AFAP1: variants seen among roughly 807,000 people sequenced by gnomAD.
AFAP1 encodes the protein actin filament-associated protein 1.
In AFAP1, 75 loss-of-function variants were observed where a neutral mutation model predicts 93.9. The ratio of observed to expected loss-of-function variants is 0.80; its 90% CI spans 0.66 to 0.97. AFAP1 has a LOEUF of 0.97. AFAP1 is among the 50% of genes least tolerant of loss of function. The probability of loss-of-function intolerance (pLI) is 0.00; values close to 1 mark genes in which losing one functional copy is unlikely to be tolerated. For missense variants in AFAP1, 1,201 were observed against 1,050.8 expected (o/e 1.14, Z -1.98); for synonymous variants, 517 against 430.7 (o/e 1.20, Z -2.48).
chr4:7,919,899 G>A (rs143173574), intron 1 of AFAP1, among the ~76,000 whole-genome samples: 2,271 of 151,568 alleles, frequency 0.015, 56 homozygotes, highest in African/African-American at 0.052. Context: ...CATGGTGTTT[G>A]GTTTTCCGTT....
At chr4:7,802,302 G>C (rs1719119096) in intron 9 of AFAP1, among the ~76,000 whole-genome samples, 3 of 152,252 alleles carry the variant, frequency 2.0e-5, no homozygotes, top group South Asian at 4.1e-4. Context: ...TCCAAGGCCT[G>C]TGCCGTGGCC....
At chr4:7,885,364 G>C (rs961815004) in intron 1 of AFAP1, among the ~76,000 whole-genome samples, 1 of 152,126 alleles carries the variant, frequency 6.6e-6, no homozygotes, top group African/African-American at 2.4e-5. Flanking sequence ...GTGTGTCCCT[G>C]CGTCGTCCCA....
At chr4:7,895,400 T>C (rs1043286161) in intron 1 of AFAP1, among the ~76,000 whole-genome samples, 50 of 149,088 alleles carry the variant, frequency 3.4e-4, no homozygotes, top group African/African-American at 1.1e-3. Flanking sequence ...TAAAGATTTT[T>C]TTAAAAAAAG....
In AFAP1 at chr4:7,843,214, G is replaced by A. The variant is rs374743133; in HGVS notation, c.471C>T (p.Cys157=). The change falls in exon 5 of 18, where the codon TGC becomes TGT. Residue 157 remains cysteine, a synonymous_variant. Coordinates refer to ENST00000420658, the MANE Select transcript of AFAP1 (RefSeq NM_001134647.2). ...SMDLVKDAKI[C]AFLLRKKRFG... ...ACCGCTTCTTCCGCAGCAGGAAGGC[G>A]CAGATTTTGGCGTCCTTGACCAGGT... 3.3e-5 allele frequency: 54 copies of A among 1,614,076 alleles called. 1 individual carries two copies. The highest frequency in any genetic ancestry group is 4.1e-5 in the Non-Finnish European group (48 of 1,180,042).
chr4:7,793,268 T>G (rs1338855300), intron 11 of AFAP1, among the ~76,000 whole-genome samples: 1 of 152,240 alleles, frequency 6.6e-6, no homozygotes. Flanking sequence ...TTCTGCTTCG[T>G]AGAACTGTTC....
chr4:7,846,241 C>T (rs1018584535), intron 4 of AFAP1, among the ~76,000 whole-genome samples: 19 of 152,204 alleles, frequency 1.2e-4, no homozygotes, highest in Admixed American at 1.1e-3. Flanking sequence ...GGTGGTTACA[C>T]AGATGGCTTC....
At chr4:7,877,218 GA>G (rs1392010141) in intron 1 of AFAP1, among the ~76,000 whole-genome samples, 1 of 152,202 alleles carries the variant, frequency 6.6e-6, no homozygotes, top group Admixed American at 6.5e-5. Flanking sequence ...ATTCTGCACA[GA>G]AAGCATGCAA....
At chr4:7,918,882 C>T (rs58130039) in intron 1 of AFAP1, among the ~76,000 whole-genome samples, 13 of 138,350 alleles carry the variant, frequency 9.4e-5, no homozygotes, top group East Asian at 2.2e-4. Flanking sequence ...ACAGGGCTGC[C>T]GGAAGAGACA....
At chr4:7,880,628 C>T (rs562237824) in intron 1 of AFAP1, among the ~76,000 whole-genome samples, 4 of 152,262 alleles carry the variant, frequency 2.6e-5, no homozygotes, top group South Asian at 2.1e-4. Flanking sequence ...AGAAGAAAGG[C>T]GGCCTGGAGT....
chr4:7,934,290 C>G (rs1406100850), intron 1 of AFAP1, among the ~76,000 whole-genome samples: 1 of 152,188 alleles, frequency 6.6e-6, no homozygotes, highest in Admixed American at 6.5e-5. Context: ...CCGAGGGAGC[C>G]CAACCCAGCA....
intron 16 of AFAP1, among the ~76,000 whole-genome samples, chr4:7,771,927 G>A (rs1238319877): frequency 1.3e-5 from 2 of 152,136 alleles, no homozygotes; most frequent in Non-Finnish European, 1.5e-5. Flanking sequence ...TGCGGGTGGT[G>A]CCCGGTAGGG....
rs1458671341 is a variant in AFAP1, at chr4:7,772,594, T to C, written c.2253+226A>G. The C allele has an allele frequency of 1.3e-5, 7 of 543,172 alleles. No homozygotes were observed. The Admixed American group carries it at 1.7e-4, about 13-fold the overall frequency. 33.6% of individuals were successfully genotyped at this position (543,172 alleles called of 1,614,324 possible). Reference sequence around the variant, plus strand: ...AAGGGGAAAGACACAGACTCAGCATTTCCACAGCTTTTAACATTTCAGCGA... The same window carrying C: ...AAGGGGAAAGACACAGACTCAGCATCTCCACAGCTTTTAACATTTCAGCGA... On this transcript the variant is annotated intron_variant, in intron 16 of 17. Coordinates refer to ENST00000420658, the MANE Select transcript of AFAP1 (RefSeq NM_001134647.2).
intron 4 of AFAP1, among the ~76,000 whole-genome samples, chr4:7,849,667 C>A (rs769047925): frequency 2.0e-5 from 3 of 152,170 alleles, no homozygotes; most frequent in Non-Finnish European, 4.4e-5. Flanking sequence ...CTGTGTCTAG[C>A]GTTTTCAGAC....
intron 11 of AFAP1, 39 bp from the exon 12 acceptor site, chr4:7,786,350 C>T (rs1385268902): frequency 1.3e-6 from 2 of 1,524,550 alleles, no homozygotes; most frequent in South Asian, 2.2e-5. Context: ...ATAACCTGAC[C>T]ACCTTTTACT....
At chr4:7,776,769 G>C (rs1400468504) in intron 14 of AFAP1, 1 of 152,210 alleles carries the variant, frequency 6.6e-6, no homozygotes, top group Non-Finnish European at 1.5e-5. Flanking sequence ...AAGGATCGCT[G>C]TTTGCAGCTA....
At chr4:7,809,459 A>C in intron 9 of AFAP1, 155 bp downstream of exon 9, 1 of 881,822 alleles carries the variant, frequency 1.1e-6, no homozygotes. Context: ...AAATGTAAAC[A>C]TTTAATACAT....
At chr4:7,917,230 C>A (rs1002051764) in intron 1 of AFAP1, among the ~76,000 whole-genome samples, 9 of 152,248 alleles carry the variant, frequency 5.9e-5, no homozygotes, top group Non-Finnish European at 1.0e-4. Flanking sequence ...ACCTAGCACT[C>A]CAGCGAACAA....
chr4:7,879,734 C>A (rs1056543813), intron 1 of AFAP1, among the ~76,000 whole-genome samples: 2 of 139,416 alleles, frequency 1.4e-5, no homozygotes, highest in Non-Finnish European at 3.0e-5. Flanking sequence ...CAGGGTCTCT[C>A]TCTGTTGCCC....
At position 7,939,237 on chromosome 4, in the gene AFAP1, G is replaced by C. The variant is rs1721579378; in HGVS notation, c.-3+419C>G. ...GTCCGAGGGTCCGCGCAGTCCCCTC[G>C]GTAAGTCGGACGAAGCAGTCTCGCT... On this transcript the variant is annotated intron_variant, in intron 1 of 17. Transcript: ENST00000420658. The surrounding 1 kb of genome is among the most constrained non-coding windows in gnomAD (Gnocchi z 5.6). 1.1e-5 allele frequency: 3 copies of C among 266,950 alleles called. No individual in the cohort carries two copies. Among genetic ancestry groups the C allele is most frequent in the Non-Finnish European group, 2.3e-5 (3 of 131,576 alleles). 16.5% of individuals were successfully genotyped at this position (266,950 alleles called of 1,614,324 possible).
Sources: allele counts gnomAD v4.1 joint callset (sites outside exome capture counted in the v4.1 genomes callset), GRCh38; gene constraint gnomAD v4.1.1; non-coding constraint Gnocchi (gnomAD v3.1); transcripts MANE v1.5; gene names NCBI Gene and HGNC (gene_info 2026-07-23, HGNC 2026-07-21).